The following CDKAL1 variants were observed in gnomAD, a reference collection of about 807,000 sequenced individuals.
The protein encoded by CDKAL1 is CDKAL1 threonylcarbamoyladenosine tRNA methylthiotransferase.
Under a neutral mutation model 68.2 loss-of-function variants are expected in CDKAL1, and 32 were observed. The ratio of observed to expected loss-of-function variants is 0.47; its 90% CI spans 0.35 to 0.63. CDKAL1 has a LOEUF of 0.63. Among genes scored for constraint, CDKAL1 ranks in the 30% least tolerant of loss-of-function variants. CDKAL1 has a pLI of 0.00. For missense variants in CDKAL1, 606 were observed against 696.7 expected, an observed-to-expected ratio of 0.87 and a Z score of 1.47; for synonymous variants, 234 against 244.3, an observed-to-expected ratio of 0.96 and a Z score of 0.39.
intron 5 of CDKAL1, among the ~76,000 whole-genome samples, chr6:20,697,149 T>A (rs193180415): frequency 1.6e-4 from 24 of 152,268 alleles, no homozygotes; most frequent in Admixed American, 1.4e-3. Context: ...CTACAAGATG[T>A]CATGCAAAAA....
intron 5 of CDKAL1, among the ~76,000 whole-genome samples, chr6:20,719,106 CCTT>C (rs2127841803): frequency 6.6e-6 from 1 of 152,260 alleles, no homozygotes; most frequent in South Asian, 2.1e-4. Context: ...GTAGGGTTTT[CCTT>C]CCTGAACCAT....
At chr6:21,104,917 C>A (rs1582206729) in intron 12 of CDKAL1, among the ~76,000 whole-genome samples, 1 of 152,178 alleles carries the variant, frequency 6.6e-6, no homozygotes, top group Admixed American at 6.5e-5. Context: ...TTCCACCTGC[C>A]AATGCAAGCT....
At chr6:20,584,471 C>T (rs1039106099) in intron 4 of CDKAL1, among the ~76,000 whole-genome samples, 1 of 152,136 alleles carries the variant, frequency 6.6e-6, no homozygotes, top group African/African-American at 2.4e-5. Context: ...ATGCACACAA[C>T]CCTCCTGCCC....
intron 4 of CDKAL1, among the ~76,000 whole-genome samples, chr6:20,608,422 T>A (rs987055531): frequency 1.1e-4 from 16 of 152,188 alleles, no homozygotes; most frequent in African/African-American, 3.9e-4. Context: ...ATAACTGCAT[T>A]GTAGTATGTT....
intron 9 of CDKAL1, among the ~76,000 whole-genome samples, chr6:20,869,168 T>C (rs1039258880): frequency 3.3e-5 from 5 of 152,210 alleles, no homozygotes; most frequent in Admixed American, 2.6e-4. Context: ...GGTATTGATA[T>C]GATGTAATTC....
intron 9 of CDKAL1, among the ~76,000 whole-genome samples, chr6:20,896,898 A>C (rs990519775): frequency 6.6e-6 from 1 of 152,184 alleles, no homozygotes; most frequent in African/African-American, 2.4e-5. Context: ...ATCAGATGAA[A>C]GTGTTCTTGG....
chr6:20,861,789 G>C (rs981560270), intron 9 of CDKAL1, among the ~76,000 whole-genome samples: 2 of 152,176 alleles, frequency 1.3e-5, no homozygotes, highest in African/African-American at 4.8e-5. Flanking sequence ...CCATTGTCAG[G>C]AGATCTGTCT....
intron 13 of CDKAL1, among the ~76,000 whole-genome samples, chr6:21,161,917 G>A (rs1015961694): frequency 4.6e-5 from 7 of 152,180 alleles, no homozygotes; most frequent in Admixed American, 1.3e-4. Context: ...GGAAAGGCAC[G>A]TTTCAATGGA....
intron 8 of CDKAL1, among the ~76,000 whole-genome samples, chr6:20,788,574 A>G (rs1191312588): frequency 6.6e-6 from 1 of 152,208 alleles, no homozygotes; most frequent in African/African-American, 2.4e-5. Flanking sequence ...TTCTAGCTGC[A>G]TGACTTGAGT....
chr6:20,965,614 A>G (rs1398222728), intron 10 of CDKAL1, among the ~76,000 whole-genome samples: 1 of 152,190 alleles, frequency 6.6e-6, no homozygotes, highest in Non-Finnish European at 1.5e-5. Context: ...TTCCTTCTTC[A>G]TCTTTTAGTA....
intron 12 of CDKAL1, among the ~76,000 whole-genome samples, chr6:21,080,445 A>G (rs948892240): frequency 6.6e-6 from 1 of 152,192 alleles, no homozygotes; most frequent in Non-Finnish European, 1.5e-5. Flanking sequence ...GGACCTGCAC[A>G]AGGAGACCAG....
At chr6:20,887,362 T>A (rs923220019) in intron 9 of CDKAL1, among the ~76,000 whole-genome samples, 7 of 152,202 alleles carry the variant, frequency 4.6e-5, no homozygotes, top group African/African-American at 1.7e-4. Context: ...AAAAAGCTTG[T>A]ATAAGCATGT....
intron 8 of CDKAL1, among the ~76,000 whole-genome samples, chr6:20,821,658 G>A (rs1777285176): frequency 6.6e-6 from 1 of 152,084 alleles, no homozygotes; most frequent in South Asian, 2.1e-4. Flanking sequence ...GGCATAGAGT[G>A]TGTGCTTGGC....
intron 11 of CDKAL1, among the ~76,000 whole-genome samples, chr6:21,052,821 C>T (rs6903997): frequency 0.27 from 40,785 of 151,756 alleles, 5,685 homozygotes; most frequent in South Asian, 0.35. Context: ...TTGAGACCAG[C>T]CTGGGCAACA....
chr6:21,016,152 G>GTATATA (rs145660610), intron 11 of CDKAL1, among the ~76,000 whole-genome samples: 3 of 148,094 alleles, frequency 2.0e-5, no homozygotes, highest in African/African-American at 7.5e-5. Flanking sequence ...ATATATATGT[G>GTATATA]TATATATATA....
At chr6:21,217,580 C>G (rs1453002556) in intron 15 of CDKAL1, among the ~76,000 whole-genome samples, 1 of 152,112 alleles carries the variant, frequency 6.6e-6, no homozygotes, top group Admixed American at 6.5e-5. Context: ...TCACTGCAAC[C>G]TCTGCCTCCC....
chr6:20,968,159 T>C (rs530205094), intron 10 of CDKAL1, among the ~76,000 whole-genome samples: 3 of 151,478 alleles, frequency 2.0e-5, no homozygotes. Context: ...TCTGGGTTTT[T>C]TTTTTTGTTT....
chr6:21,038,646 T>C (rs991724222), intron 11 of CDKAL1, among the ~76,000 whole-genome samples: 3 of 152,186 alleles, frequency 2.0e-5, no homozygotes, highest in Non-Finnish European at 4.4e-5. Flanking sequence ...CAAAACAAAT[T>C]TGTAAACTTT....
intron 4 of CDKAL1, among the ~76,000 whole-genome samples, chr6:20,634,702 G>T (rs2127744701): frequency 6.6e-6 from 1 of 152,342 alleles, no homozygotes; most frequent in East Asian, 1.9e-4. Context: ...TTCCAGCAAG[G>T]TGTGGTGGCT....
Sources: allele counts gnomAD v4.1 joint callset (sites outside exome capture counted in the v4.1 genomes callset), GRCh38; gene constraint gnomAD v4.1.1; transcripts MANE v1.5; gene names NCBI Gene and HGNC (gene_info 2026-07-23, HGNC 2026-07-21).